The following LDLRAD3 variants were observed in gnomAD, a reference collection of about 807,000 sequenced individuals.
LDLRAD3 encodes the protein low density lipoprotein receptor class A domain containing 3.
LDLRAD3 carries 20 observed loss-of-function variants against 29.4 expected under a neutral mutation model. The observed-to-expected ratio is 0.68, with a 90% CI of 0.48 to 0.99. The LOEUF is 0.99. Ranked by LOEUF, LDLRAD3 falls within the 50% of genes least tolerant of loss-of-function variation. The pLI, the probability that LDLRAD3 is intolerant of heterozygous loss-of-function variation, is 0.00. For synonymous variants in LDLRAD3, 157 were observed against 192.7 expected (o/e 0.81, Z 1.53); for missense variants, 420 against 454.3 (o/e 0.92, Z 0.69).
At chr11:36,051,616 T>C (rs1852529404) in intron 2 of LDLRAD3, among the ~76,000 whole-genome samples, 1 of 152,134 alleles carries the variant, frequency 6.6e-6, no homozygotes, top group African/African-American at 2.4e-5. Flanking sequence ...AAAGTTATGG[T>C]AAAAAAGGTT....
At position 36,136,698 on chromosome 11, in the gene LDLRAD3, C is replaced by CTT. The variant is rs112022135; in HGVS notation, c.454+38250_454+38251dup. Among the ~76,000 whole-genome samples, 42 of 143,560 alleles carry CTT rather than the reference C, an allele frequency of 2.9e-4. No homozygotes were observed. In the South Asian group the frequency reaches 5.4e-3, roughly 18 times the overall value. 94.2% of individuals were successfully genotyped at this position (143,560 alleles called of 152,430 possible). A position where few individuals can be genotyped will look rare whatever the true frequency, so the allele number is the denominator to read the frequency against. ...GCAGAACTGTGAGCCAACTAATCCT[C>CTT]TTTTTTTTTTTTTTGAGACAGAGTC... is the stretch of plus-strand genomic sequence containing the variant. On this transcript the variant is annotated intron_variant, in intron 4 of 5. Transcript: ENST00000315571.
intron 2 of LDLRAD3, among the ~76,000 whole-genome samples, chr11:36,046,567 C>G (rs1471362352): frequency 6.6e-6 from 1 of 152,154 alleles, no homozygotes; most frequent in Non-Finnish European, 1.5e-5. Flanking sequence ...CCACCCTAAT[C>G]TTGTATGACT....
intron 4 of LDLRAD3, 68 bp downstream of exon 4, chr11:36,098,529 G>A: frequency 6.4e-7 from 1 of 1,572,698 alleles, no homozygotes; most frequent in Non-Finnish European, 8.7e-7. Context: ...CACCCTGAAA[G>A]GCAGAAAGCA....
Position 36,207,907 on chromosome 11 carries a change from C to T in LDLRAD3, c.455-19178C>T, listed in dbSNP as rs1355318496. ...TGCTTAGGTTTTACTTTAACAACTGCTTATGTATGAAACAGCCCACCTACG... is the reference window on the plus strand; with the variant it reads ...TGCTTAGGTTTTACTTTAACAACTGTTTATGTATGAAACAGCCCACCTACG... On this transcript the variant is annotated intron_variant, in intron 4 of 5. Coordinates refer to ENST00000315571, the MANE Select transcript of LDLRAD3 (RefSeq NM_174902.4). Among the ~76,000 whole-genome samples, 5 of 152,086 alleles carry T rather than the reference C, an allele frequency of 3.3e-5. No individual in the cohort carries two copies. In the East Asian group the frequency reaches 9.6e-4, roughly 29 times the overall value.
chr11:36,145,176 C>T (rs1225814350), intron 4 of LDLRAD3, among the ~76,000 whole-genome samples: 12 of 122,556 alleles, frequency 9.8e-5, no homozygotes, highest in South Asian at 3.0e-4. Context: ...GCCCCCCGCC[C>T]GGCCAGCTGC....
chr11:36,138,520 G>T (rs59012242), intron 4 of LDLRAD3, among the ~76,000 whole-genome samples: 2,064 of 152,276 alleles, frequency 0.014, 61 homozygotes, highest in African/African-American at 0.047. Flanking sequence ...CCTTTGACTG[G>T]ACTCACTCCA....
At chr11:36,089,929 A>G (rs1853255157) in intron 3 of LDLRAD3, among the ~76,000 whole-genome samples, 1 of 152,138 alleles carries the variant, frequency 6.6e-6, no homozygotes, top group African/African-American at 2.4e-5. Context: ...ATTATAATAA[A>G]CATTTATTGA....
chr11:36,104,193 G>A (rs1853492814), intron 4 of LDLRAD3, among the ~76,000 whole-genome samples: 2 of 152,144 alleles, frequency 1.3e-5, no homozygotes, highest in South Asian at 2.1e-4. Context: ...GGCAAGGGAC[G>A]GAAGGAGGGC....
chr11:36,009,424 A>C (rs1851926854), intron 1 of LDLRAD3, among the ~76,000 whole-genome samples: 2 of 152,218 alleles, frequency 1.3e-5, no homozygotes, highest in Non-Finnish European at 2.9e-5. Flanking sequence ...CAAAAGGCTA[A>C]GAATAGCATT....
In LDLRAD3 at chr11:35,997,904, C is replaced by T. The variant is rs139529903; in HGVS notation, c.47-38199C>T. Among the ~76,000 whole-genome samples the T allele has an allele frequency of 1.4e-4, 22 of 152,306 alleles. No homozygotes were observed. The East Asian group carries it at 3.9e-3, about 27-fold the overall frequency. On this transcript the variant is annotated intron_variant, in intron 1 of 5. Transcript: ENST00000315571. ...GTCGGACTCTGGCCTCCTGTCTTTT[C>T]GCTGTCATCTGATAATTGGCTGAAG...
intron 4 of LDLRAD3, among the ~76,000 whole-genome samples, chr11:36,171,282 G>C (rs1415466217): frequency 3.3e-5 from 5 of 152,112 alleles, no homozygotes; most frequent in African/African-American, 1.2e-4. Context: ...CTTTTGCTAT[G>C]CAGAAGCTTT....
intron 4 of LDLRAD3, among the ~76,000 whole-genome samples, chr11:36,222,580 G>C (rs79261760): frequency 0.015 from 2,293 of 152,200 alleles, 46 homozygotes; most frequent in African/African-American, 0.05. Flanking sequence ...GCGAAAAATG[G>C]TATCCGGTAG....
At chr11:36,177,798 T>C (rs1854701220) in intron 4 of LDLRAD3, among the ~76,000 whole-genome samples, 1 of 152,210 alleles carries the variant, frequency 6.6e-6, no homozygotes, top group Non-Finnish European at 1.5e-5. Context: ...CAAATGCTGC[T>C]TGTGCTCCCG....
chr11:36,107,888 G>A (rs755792989), intron 4 of LDLRAD3, among the ~76,000 whole-genome samples: 2 of 152,164 alleles, frequency 1.3e-5, no homozygotes, highest in Non-Finnish European at 2.9e-5. Context: ...TTATGCCCAG[G>A]AGACAAAGGC....
chr11:35,970,397 G>A (rs1370520375), intron 1 of LDLRAD3, among the ~76,000 whole-genome samples: 1 of 152,200 alleles, frequency 6.6e-6, no homozygotes, highest in Non-Finnish European at 1.5e-5. Flanking sequence ...GCATGTAGGT[G>A]CAGGGCAAGG....
Position 36,054,147 on chromosome 11 carries a change from A to G in LDLRAD3, c.193+17898A>G, listed in dbSNP as rs1332415154. 2.0e-5 allele frequency among the ~76,000 whole-genome samples: 3 copies of G among 152,280 alleles called. No homozygotes were observed. In the East Asian group the frequency reaches 5.8e-4, roughly 29 times the overall value. ...GCCAGGTTTCCCCCCCATTTTCTGCATTTCAGAAATATTTTGTTTTTCATT... is the reference window on the plus strand; with the variant it reads ...GCCAGGTTTCCCCCCCATTTTCTGCGTTTCAGAAATATTTTGTTTTTCATT... On this transcript the variant is annotated intron_variant, in intron 2 of 5. Transcript: ENST00000315571.
chr11:35,993,721 A>G (rs1392228029), intron 1 of LDLRAD3, among the ~76,000 whole-genome samples: 2 of 151,964 alleles, frequency 1.3e-5, no homozygotes, highest in Non-Finnish European at 2.9e-5. Context: ...GTGAGGTACC[A>G]GAAAAGTCTT....
Position 36,227,164 on chromosome 11 carries a change from C to T in LDLRAD3, c.534C>T (p.Gly178=), listed in dbSNP as rs1195136358. 9 of 1,614,052 alleles carry T rather than the reference C, an allele frequency of 5.6e-6. No homozygotes were observed. The highest frequency in any genetic ancestry group is 1.3e-5 in the African/African-American group (1 of 74,940). The change falls in exon 5 of 6, where the codon GGC becomes GGT. Residue 178 remains glycine, a synonymous_variant. Transcript: ENST00000315571. ...YYPSITYAII[G]SSVIFVLVVA... ...CCAGCATCACCTATGCCATCATCGG[C>T]AGCTCCGTCATTTTTGTGCTGGTGG...
At chr11:36,103,055 CATT>C (rs1488246219) in intron 4 of LDLRAD3, among the ~76,000 whole-genome samples, 1 of 152,108 alleles carries the variant, frequency 6.6e-6, no homozygotes, top group Non-Finnish European at 1.5e-5. Flanking sequence ...AGTATGTTCA[CATT>C]GTTGTGCAAC....
Sources: allele counts gnomAD v4.1 joint callset (sites outside exome capture counted in the v4.1 genomes callset), GRCh38; gene constraint gnomAD v4.1.1; transcripts MANE v1.5; gene names NCBI Gene and HGNC (gene_info 2026-07-23, HGNC 2026-07-21).